The following BRMS1L variants were observed in gnomAD, a reference collection of about 807,000 sequenced individuals.
The protein encoded by BRMS1L is breast cancer metastasis-suppressor 1-like protein.
Under a neutral mutation model 50.3 loss-of-function variants are expected in BRMS1L, and 23 were observed. The ratio of observed to expected loss-of-function variants is 0.46; its 90% CI spans 0.33 to 0.65. The LOEUF (loss-of-function observed/expected upper bound fraction) is 0.65. Among genes scored for constraint, BRMS1L ranks in the 30% least tolerant of loss-of-function variants. The pLI is 0.02. For missense variants in BRMS1L, 286 were observed against 386.1 expected, an observed-to-expected ratio of 0.74 and a Z score of 2.17; for synonymous variants, 114 against 126.9, an observed-to-expected ratio of 0.90 and a Z score of 0.69.
chr14:35,839,911 A>G (rs2078041024), intron 4 of BRMS1L, among the ~76,000 whole-genome samples: 1 of 152,210 alleles, frequency 6.6e-6, no homozygotes, highest in South Asian at 2.1e-4. Context: ...ACTATGTCGA[A>G]TACGAGTGGT....
chr14:35,844,233 A>G (rs1219146721), intron 4 of BRMS1L, among the ~76,000 whole-genome samples: 2 of 152,120 alleles, frequency 1.3e-5, no homozygotes, highest in Non-Finnish European at 2.9e-5. Flanking sequence ...CCACTGGGGT[A>G]TGAAAAAAAG....
chr14:35,849,052 C>G (rs879079101), intron 4 of BRMS1L, among the ~76,000 whole-genome samples: 1 of 151,984 alleles, frequency 6.6e-6, no homozygotes, highest in Non-Finnish European at 1.5e-5. Context: ...GACAGAATCT[C>G]ACTGTGTTGC....
chr14:35,868,176 C>A, intron 9 of BRMS1L, 144 bp downstream of exon 9: 2 of 689,136 alleles, frequency 2.9e-6, no homozygotes, highest in Non-Finnish European at 4.5e-6. Flanking sequence ...GGCTTGATTA[C>A]ATGTGTGTAC....
chr14:35,851,470 T>C (rs1354599191), intron 4 of BRMS1L, among the ~76,000 whole-genome samples: 1 of 152,002 alleles, frequency 6.6e-6, no homozygotes, highest in African/African-American at 2.4e-5. Context: ...TGCTTGCTTA[T>C]TTTTGTGAAA....
chr14:35,863,741 T>C (rs2078383087), intron 5 of BRMS1L, 129 bp from the exon 6 acceptor site: 1 of 723,032 alleles, frequency 1.4e-6, no homozygotes. Context: ...TTAATCTATA[T>C]ATACCCAGCT....
chr14:35,865,699 C>CTTTTTTTTTT (rs78231905), intron 7 of BRMS1L, 23 bp from the exon 8 acceptor site: 2 of 1,410,162 alleles, frequency 1.4e-6, no homozygotes, highest in Non-Finnish European at 1.9e-6. Context: ...CTTTCTTCCT[C>CTTTTTTTTTT]TTTTTTTTTT....
At position 35,833,093 on chromosome 14, in the gene BRMS1L, A is replaced by T; in HGVS notation, c.349A>T (p.Thr117Ser). The change falls in exon 3 of 10, where the codon ACA becomes TCA. Residue 117 changes from threonine (T) to serine (S), a missense_variant. Coordinates refer to ENST00000216807, the MANE Select transcript of BRMS1L (RefSeq NM_032352.4). ...ATLQENMQIR[T>S]KVAGIYRELC... ...TTTACAGGAAAATATGCAAATTCGT[A>T]CAAAGGTAGCAGGTAGGAAAGTGAA... The T allele has an allele frequency of 6.2e-7, 1 of 1,612,388 alleles. No homozygotes were observed. Among genetic ancestry groups the T allele is most frequent in the Non-Finnish European group, 8.5e-7 (1 of 1,178,980 alleles).
At position 35,832,985 on chromosome 14, in the gene BRMS1L, A is replaced by G. The variant is rs1359622864; in HGVS notation, c.241A>G (p.Lys81Glu). Residue 81 changes from lysine to glutamate, a missense_variant, in exon 3 of 10, where the codon AAA becomes GAA. By Grantham distance (56) the Lys-to-Glu change is moderately conservative. Transcript: ENST00000216807. ...AATTTTTGCTTTGTTAAGACTTTAT[A>G]AAGAACGATTAAGTCAGGTGGATGC... Reference protein sequence around the residue: ...QFTDLKDQLYKERLSQVDAKL... With the variant: ...QFTDLKDQLYEERLSQVDAKL... 6.2e-7 allele frequency: 1 copy of G among 1,608,892 alleles called. No individual in the cohort carries two copies.
intron 4 of BRMS1L, among the ~76,000 whole-genome samples, chr14:35,847,528 T>C (rs895279127): frequency 6.6e-5 from 10 of 152,164 alleles, no homozygotes; most frequent in Admixed American, 4.6e-4. Context: ...TTTCCTTCTT[T>C]ATTTCCTAAA....
intron 4 of BRMS1L, among the ~76,000 whole-genome samples, chr14:35,853,783 C>G (rs1177534579): frequency 1.3e-5 from 2 of 152,020 alleles, no homozygotes; most frequent in East Asian, 3.9e-4. Context: ...TCTGATTTGT[C>G]CTTTTTAATT....
In BRMS1L at chr14:35,844,548, C is replaced by T. The variant is rs145252735; in HGVS notation, c.441+9625C>T. On this transcript the variant is annotated intron_variant, in intron 4 of 9. Transcript: ENST00000216807. The stretch of plus-strand genomic sequence containing the variant: ...TTTAACCAGTCTCAGTGAGATGAAC[C>T]GGGTACCCTAGTTGGAAATGCAGAA... Among the ~76,000 whole-genome samples, 345 of 152,318 alleles carry T rather than the reference C, an allele frequency of 2.3e-3. 1 individual carries two copies. Among genetic ancestry groups the T allele is most frequent in the African/African-American group, 7.4e-3 (307 of 41,562 alleles).
intron 4 of BRMS1L, among the ~76,000 whole-genome samples, chr14:35,847,185 C>T (rs2078146778): frequency 6.6e-6 from 1 of 152,096 alleles, no homozygotes; most frequent in Non-Finnish European, 1.5e-5. Flanking sequence ...TGCCATGTTG[C>T]TCTGGCTGGT....
chr14:35,864,037 C>T (rs1482441247), intron 6 of BRMS1L, 84 bp downstream of exon 6: 3 of 1,015,186 alleles, frequency 3.0e-6, no homozygotes, highest in East Asian at 5.0e-5. Flanking sequence ...TATTTGTAAA[C>T]ACTGACTTTA....
rs374993101 is a variant in BRMS1L at position 35,833,125 on chromosome 14, T to C, written c.361+20T>C. ...TAGCAGGTAGGAAAGTGAAGAATCT[T>C]TTCCATATATAGAATGTAAACTCTT... On this transcript the variant is annotated intron_variant, in intron 3 of 9. Transcript: ENST00000216807. The C allele has an allele frequency of 2.1e-5, 34 of 1,600,524 alleles. No homozygotes were observed. Among genetic ancestry groups the C allele is most frequent in the Non-Finnish European group, 2.7e-5 (32 of 1,171,858 alleles).
intron 8 of BRMS1L, among the ~76,000 whole-genome samples, chr14:35,867,110 T>C (rs1005116804): frequency 6.6e-6 from 1 of 152,120 alleles, no homozygotes; most frequent in Non-Finnish European, 1.5e-5. Context: ...AATGAATGAA[T>C]GAATGAATAT....
intron 1 of BRMS1L, among the ~76,000 whole-genome samples, chr14:35,827,318 T>C (rs1174762260): frequency 6.6e-6 from 1 of 152,188 alleles, no homozygotes; most frequent in African/African-American, 2.4e-5. Context: ...TGTTTTAAAT[T>C]ATTTTGGGTG....
At chr14:35,867,550 A>T (rs2078437595) in intron 8 of BRMS1L, among the ~76,000 whole-genome samples, 1 of 152,164 alleles carries the variant, frequency 6.6e-6, no homozygotes, top group African/African-American at 2.4e-5. Context: ...CCCGCAGGGG[A>T]AAAAATAAAA....
rs753054401 is a variant in BRMS1L at position 35,867,919 on chromosome 14, G to T, written c.741G>T (p.Leu247=). ...TGATCCCTTTAGCACCTGTGAAACT[G>T]GAAAAACATCTGCACAGTGCTAGAT... ...HRVKTEPPVK[L]EKHLHSARSE... Residue 247 remains leucine, a synonymous_variant, in exon 9 of 10, where the codon CTG becomes CTT. Transcript: ENST00000216807. 5.6e-6 allele frequency: 9 copies of T among 1,599,872 alleles called. No individual in the cohort carries two copies. The East Asian group carries it at 2.0e-4, about 36-fold the overall frequency.
At chr14:35,868,152 T>C in intron 9 of BRMS1L, 120 bp downstream of exon 9, 1 of 949,102 alleles carries the variant, frequency 1.1e-6, no homozygotes, top group Non-Finnish European at 1.5e-6. Flanking sequence ...GGATCCTTTT[T>C]TCACTTGACA....
Sources: allele counts gnomAD v4.1 joint callset (sites outside exome capture counted in the v4.1 genomes callset), GRCh38; gene constraint gnomAD v4.1.1; transcripts MANE v1.5; gene names NCBI Gene and HGNC (gene_info 2026-07-23, HGNC 2026-07-21).